The following BTN2A1 variants were observed in gnomAD, a reference collection of about 807,000 sequenced individuals.
BTN2A1 encodes butyrophilin, subfamily 2, member A1.
A neutral mutation model predicts 34.5 loss-of-function variants in BTN2A1; 41 were observed. The ratio of observed to expected loss-of-function variants is 1.19; its 90% CI spans 0.93 to 1.54. BTN2A1 has a LOEUF of 1.54. Ranked by LOEUF, BTN2A1 falls within the 40% of genes most tolerant of loss-of-function variation. The probability of loss-of-function intolerance (pLI) is 0.00; values close to 1 mark genes in which losing one functional copy is unlikely to be tolerated. For missense variants in BTN2A1, 642 were observed against 662.0 expected, an observed-to-expected ratio of 0.97 and a Z score of 0.33; for synonymous variants, 267 against 258.6, an observed-to-expected ratio of 1.03 and a Z score of -0.31.
At chr6:26,467,889 A>T in intron 7 of BTN2A1, 59 bp from the exon 8 acceptor site, 1 of 1,577,596 alleles carries the variant, frequency 6.3e-7, no homozygotes, top group Non-Finnish European at 8.6e-7. Flanking sequence ...GGGATCAGGA[A>T]CCACACAATC....
rs1486661497 is a variant in BTN2A1, at chr6:26,468,743, GT to G, written c.*196del. On this transcript the variant is annotated 3_prime_UTR_variant, in exon 8 of 8. Coordinates refer to ENST00000312541, the MANE Select transcript of BTN2A1 (RefSeq NM_007049.5). ...TCCTCACTAGGCTGTGTTTTTAGTA[GT>G]TCCTTTGCTTGTAACTATGGGATGG... is the stretch of plus-strand genomic sequence containing the variant. The G allele has an allele frequency of 6.2e-7, 1 of 1,611,092 alleles. No homozygotes were observed. Among genetic ancestry groups the G allele is most frequent in the Non-Finnish European group, 8.5e-7 (1 of 1,178,828 alleles).
intron 1 of BTN2A1, 31 bp downstream of exon 1, chr6:26,458,173 C>T (rs1561867736): frequency 6.0e-6 from 1 of 167,882 alleles, no homozygotes. Context: ...GCTACAGCTC[C>T]GGGGTGGGCA....
At chr6:26,462,177 CA>C (rs1433155286) in intron 3 of BTN2A1, among the ~76,000 whole-genome samples, 3 of 152,140 alleles carry the variant, frequency 2.0e-5, no homozygotes, top group African/African-American at 4.8e-5. Context: ...CTCCCAGGAC[CA>C]CGCTTTTGCA....
chr6:26,469,190 T>G lies in BTN2A1; in HGVS notation c.*641T>G. 1 of 1,047,444 alleles carries G rather than the reference T, an allele frequency of 9.5e-7. No individual in the cohort carries two copies. The highest frequency in any genetic ancestry group is 1.2e-6 in the Non-Finnish European group (1 of 867,196). The allele number at this position is 1,047,444 out of a possible 1,614,324, so 64.9% of individuals were successfully genotyped here. On this transcript the variant is annotated 3_prime_UTR_variant, in exon 8 of 8. Coordinates refer to ENST00000312541, the MANE Select transcript of BTN2A1 (RefSeq NM_007049.5). ...GATGAATGAAGAACATGGATGCACG[T>G]GGATGTAGTTTGGCTCAGGTGTCCC...
At chr6:26,465,728 G>C (rs1763293905) in intron 5 of BTN2A1, 1 of 761,478 alleles carries the variant, frequency 1.3e-6, no homozygotes, top group Admixed American at 6.3e-5. Context: ...TCATTCATCT[G>C]GCTACATAAA....
At chr6:26,465,652 G>A (rs1375327636) in intron 5 of BTN2A1, among the ~76,000 whole-genome samples, 2 of 152,172 alleles carry the variant, frequency 1.3e-5, no homozygotes, top group Non-Finnish European at 2.9e-5. Context: ...GCAAGGACTT[G>A]GAACTCTCAT....
downstream of BTN2A1, among the ~76,000 whole-genome samples, chr6:26,472,756 C>CTA (rs927733122): frequency 7.9e-5 from 12 of 152,074 alleles, no homozygotes; most frequent in South Asian, 2.1e-4. Flanking sequence ...TGAGGATACA[C>CTA]TAGACGTTGA....
At chr6:26,465,533 TAAA>T in intron 5 of BTN2A1, 127 bp downstream of exon 5, 2 of 717,456 alleles carry the variant, frequency 2.8e-6, no homozygotes, top group Non-Finnish European at 4.2e-6. Flanking sequence ...CCTGTTTAAT[TAAA>T]AAAAAAAAGA....
In BTN2A1 at chr6:26,464,687, A is replaced by G. The variant is rs149456181; in HGVS notation, c.713-498A>G. Among the ~76,000 whole-genome samples, 24 of 152,232 alleles carry G rather than the reference A, an allele frequency of 1.6e-4. No individual in the cohort carries two copies. In the East Asian group the frequency reaches 4.6e-3, roughly 29 times the overall value. On this transcript the variant is annotated intron_variant, in intron 4 of 7. Coordinates refer to ENST00000312541, the MANE Select transcript of BTN2A1 (RefSeq NM_007049.5). ...GAGTGAGTGCAGGAAGTGAAAGGAG[A>G]TGAATTCACAGAGGCAATGAAAACA... is the stretch of plus-strand genomic sequence containing the variant.
chr6:26,465,284 A>G lies in BTN2A1; in HGVS notation c.812A>G (p.Lys271Arg), dbSNP rs1763279830. Residue 271 changes from lysine (K) to arginine (R), a missense_variant, in exon 5 of 8, where the codon AAA (lysine) becomes AGA (arginine). Coordinates refer to ENST00000312541, the MANE Select transcript of BTN2A1 (RefSeq NM_007049.5). ...GCCGTATGCATCTATTGGATCAACA[A>G]ACTCCAAAAGGAAAAAAAGATTCTG... ...PIAVCIYWIN[K>R]LQKEKKILSG... The G allele has an allele frequency of 1.9e-6, 3 of 1,614,186 alleles. No homozygotes were observed. The highest frequency in any genetic ancestry group is 2.5e-6 in the Non-Finnish European group (3 of 1,180,002).
Position 26,465,972 on chromosome 6 carries a change from G to A in BTN2A1, c.954G>A (p.Leu318=), listed in dbSNP as rs746405465. ...LQVKEKLQEE[L]RWRRTFLHAV... ...TTTCAGAGAAACTTCAAGAAGAATT[G>A]CGTAAGTTTAGCCTTTCCTTAACTA... Residue 318 remains leucine (L), a splice_region_variant and synonymous_variant, in exon 6 of 8, where the codon TTG becomes TTA. Transcript: ENST00000312541. 7 of 1,614,102 alleles carry A rather than the reference G, an allele frequency of 4.3e-6. No homozygotes were observed. Among genetic ancestry groups the A allele is most frequent in the Admixed American group, 1.7e-5 (1 of 60,016 alleles).
rs186178137 is a variant in BTN2A1, at chr6:26,463,111, T to A, written c.431-133T>A. 43 of 1,169,406 alleles carry A rather than the reference T, an allele frequency of 3.7e-5. No individual in the cohort carries two copies. The African/African-American group carries it at 6.3e-4, about 17-fold the overall frequency. The allele number at this position is 1,169,406 out of a possible 1,614,324, so 72.4% of individuals were successfully genotyped here. The stretch of plus-strand genomic sequence containing the variant: ...CTTCCTTACCCTCATCCTTTTTTTC[T>A]TCCTTCCTATTTCTTGTTTCCTATC... On this transcript the variant is annotated intron_variant, in intron 3 of 7. Coordinates refer to ENST00000312541, the MANE Select transcript of BTN2A1 (RefSeq NM_007049.5).
chr6:26,467,991 C>T lies in BTN2A1; in HGVS notation c.1026C>T (p.Phe342=). 1.2e-6 allele frequency: 2 copies of T among 1,614,208 alleles called. No homozygotes were observed. Among genetic ancestry groups the T allele is most frequent in the South Asian group, 1.1e-5 (1 of 91,080 alleles). Residue 342 remains phenylalanine (F), a synonymous_variant, in exon 8 of 8, where the codon TTC becomes TTT. Coordinates refer to ENST00000312541, the MANE Select transcript of BTN2A1 (RefSeq NM_007049.5). The part of the protein sequence containing the change: ...LDPDTAHPDL[F]LSEDRRSVRR... ...CAGACACCGCTCATCCCGATCTCTTCCTGTCAGAGGACCGGAGAAGTGTGA... is the reference window on the plus strand; with the variant it reads ...CAGACACCGCTCATCCCGATCTCTTTCTGTCAGAGGACCGGAGAAGTGTGA...
At chr6:26,459,231 A>G (rs1003467021) in intron 2 of BTN2A1, among the ~76,000 whole-genome samples, 3 of 152,200 alleles carry the variant, frequency 2.0e-5, no homozygotes, top group African/African-American at 7.2e-5. Context: ...CCTCAAGGGC[A>G]CAGGGTGGAC....
downstream of BTN2A1, among the ~76,000 whole-genome samples, chr6:26,474,405 A>G (rs1763503871): frequency 6.6e-6 from 1 of 152,214 alleles, no homozygotes; most frequent in Admixed American, 6.5e-5. Context: ...TGGTTTGCAA[A>G]TTGTTCTTTG....
intron 4 of BTN2A1, 53 bp downstream of exon 4, chr6:26,463,578 A>G: frequency 1.3e-6 from 2 of 1,568,668 alleles, no homozygotes; most frequent in Non-Finnish European, 1.7e-6. Context: ...TCCTCAGCAC[A>G]CAGATGGAGC....
Position 26,468,235 on chromosome 6 carries a change from T to A in BTN2A1, c.1270T>A (p.Leu424Met). 6.2e-7 allele frequency: 1 copy of A among 1,614,196 alleles called. No homozygotes were observed. The highest frequency in any genetic ancestry group is 8.5e-7 in the Non-Finnish European group (1 of 1,180,030). ...LLIPQNGFWT[L>M]EMHKGQYRAV... Reference sequence around the variant, plus strand: ...GATTCCTCAGAATGGCTTCTGGACCTTGGAGATGCATAAAGGGCAATACCG... The same window carrying A: ...GATTCCTCAGAATGGCTTCTGGACCATGGAGATGCATAAAGGGCAATACCG... Residue 424 changes from leucine to methionine, a missense_variant, in exon 8 of 8, where the codon TTG (leucine) becomes ATG (methionine). Physicochemically the swap from Leu to Met is conservative, Grantham distance 15 (BLOSUM62 2). Transcript: ENST00000312541.
At chr6:26,472,767 A>G (rs1452072859), downstream of BTN2A1, among the ~76,000 whole-genome samples, 6 of 152,070 alleles carry the variant, frequency 3.9e-5, no homozygotes, top group Non-Finnish European at 8.8e-5. Context: ...TAGACGTTGA[A>G]GGGTGAGGAG....
chr6:26,474,909 T>C (rs1346446039), intron 7 of BTN2A1, among the ~76,000 whole-genome samples: 1 of 151,984 alleles, frequency 6.6e-6, no homozygotes, highest in Non-Finnish European at 1.5e-5. Context: ...CCACCACACC[T>C]GGCAAATTTT....
Sources: allele counts gnomAD v4.1 joint callset (sites outside exome capture counted in the v4.1 genomes callset), GRCh38; gene constraint gnomAD v4.1.1; transcripts MANE v1.5; gene names NCBI Gene and HGNC (gene_info 2026-07-23, HGNC 2026-07-21).